Variants in EEF2K observed in about 807,000 individuals in gnomAD.
The protein encoded by EEF2K is alternative protein EEF2K.
A neutral mutation model predicts 93.8 loss-of-function variants in EEF2K; 70 were observed. The observed-to-expected ratio is 0.75, with a 90% confidence interval of 0.62 to 0.91. EEF2K has a LOEUF of 0.91. Ranked by LOEUF, EEF2K falls within the 40% of genes least tolerant of loss-of-function variation. The pLI is 0.00. For synonymous variants in EEF2K, 376 were observed against 380.8 expected, an observed-to-expected ratio of 0.99 and a Z score of 0.15; for missense variants, 935 against 972.9, an observed-to-expected ratio of 0.96 and a Z score of 0.52.
chr16:22,237,886 C>A (rs1003876115), intron 2 of EEF2K, among the ~76,000 whole-genome samples: 2 of 152,092 alleles, frequency 1.3e-5, no homozygotes, highest in Non-Finnish European at 2.9e-5. Flanking sequence ...ACACACACAT[C>A]CTTAGAAAAT....
chr16:22,265,067 G>A, intron 13 of EEF2K, 187 bp downstream of exon 13: 1 of 603,608 alleles, frequency 1.7e-6, no homozygotes, highest in Middle Eastern at 3.1e-4. Flanking sequence ...GATGCTGGGG[G>A]ATTTGTGGGG....
At position 22,263,168 on chromosome 16, in the gene EEF2K, A is replaced by T. The variant is rs936653839; in HGVS notation, c.1358A>T (p.Asp453Val). ...AGTGAGAAGCGGGGTGAGCTGGATG[A>T]CCCTGAGCCCCGAGAACATGTAAGG... ...YPSEKRGELD[D>V]PEPREHGHSY... The change falls in exon 12 of 18, where the codon GAC becomes GTC. Residue 453 changes from aspartate to valine, a missense_variant. By Grantham distance (152) the Asp-to-Val change is radical. Coordinates refer to ENST00000263026, the MANE Select transcript of EEF2K (RefSeq NM_013302.5). The T allele has an allele frequency of 1.2e-6, 2 of 1,612,460 alleles. No individual in the cohort carries two copies. Among genetic ancestry groups the T allele is most frequent in the African/African-American group, 1.3e-5 (1 of 74,970 alleles).
At chr16:22,278,862 A>G (rs1269367067) in intron 16 of EEF2K, among the ~76,000 whole-genome samples, 2 of 152,052 alleles carry the variant, frequency 1.3e-5, no homozygotes, top group Non-Finnish European at 2.9e-5. Context: ...GGAGGAGTTG[A>G]GGGTCGACGG....
At chr16:22,247,080 G>T (rs1473321428) in intron 3 of EEF2K, among the ~76,000 whole-genome samples, 1 of 124,002 alleles carries the variant, frequency 8.1e-6, no homozygotes, top group African/African-American at 3.0e-5. Context: ...AACTAGAATT[G>T]CCCTTGCCCA....
intron 2 of EEF2K, 90 bp downstream of exon 2, chr16:22,226,065 A>G (rs1284022248): frequency 1.9e-6 from 3 of 1,551,350 alleles, no homozygotes; most frequent in Non-Finnish European, 2.6e-6. Flanking sequence ...ACTTCTTCGT[A>G]TTTCCAAACC....
chr16:22,256,853 A>G lies in EEF2K; in HGVS notation c.724A>G (p.Asn242Asp). The G allele has an allele frequency of 1.2e-6, 2 of 1,614,182 alleles. No individual in the cohort carries two copies. Among genetic ancestry groups the G allele is most frequent in the South Asian group, 2.2e-5 (2 of 91,086 alleles). The change falls in exon 7 of 18, where the codon AAC becomes GAC. Residue 242 changes from asparagine to aspartate, a missense_variant. Asn to Asp is a conservative substitution (Grantham distance 23). Coordinates refer to ENST00000263026, the MANE Select transcript of EEF2K (RefSeq NM_013302.5). Reference sequence around the variant, plus strand: ...GGGCAAGTACATCAAGTACAACTCCAACTCTGGCTTTGTCCGCGATGACAA... The same window carrying G: ...GGGCAAGTACATCAAGTACAACTCCGACTCTGGCTTTGTCCGCGATGACAA... The part of the protein sequence containing the change: ...IEGKYIKYNS[N>D]SGFVRDDNIR...
intron 2 of EEF2K, among the ~76,000 whole-genome samples, chr16:22,231,501 C>T (rs940206165): frequency 3.3e-5 from 5 of 152,038 alleles, no homozygotes; most frequent in Non-Finnish European, 7.4e-5. Flanking sequence ...TTGCACCCAG[C>T]AGTTAGTGGC....
At chr16:22,280,172 C>A in intron 16 of EEF2K, 26 bp from the exon 17 acceptor site, 1 of 1,450,540 alleles carries the variant, frequency 6.9e-7, no homozygotes, top group Non-Finnish European at 9.1e-7. Flanking sequence ...GTAACCTCCA[C>A]CTTTCCCTCT....
In EEF2K at chr16:22,225,930, G is replaced by A; in HGVS notation, c.201G>A (p.Glu67=). ...NKYYSNLTKS[E]RYSSSGSPAN... Reference sequence around the variant, plus strand: ...ACTACAGCAACCTAACAAAAAGTGAGCGGTATAGCTCCAGCGGGTCCCCGG... The same window carrying A: ...ACTACAGCAACCTAACAAAAAGTGAACGGTATAGCTCCAGCGGGTCCCCGG... Residue 67 remains glutamate, a synonymous_variant, in exon 2 of 18, where the codon GAG becomes GAA. Coordinates refer to ENST00000263026, the MANE Select transcript of EEF2K (RefSeq NM_013302.5). 6.2e-7 allele frequency: 1 copy of A among 1,614,184 alleles called. No individual in the cohort carries two copies. Among genetic ancestry groups the A allele is most frequent in the South Asian group, 1.1e-5 (1 of 91,086 alleles).
At chr16:22,229,979 G>A (rs1039283054) in intron 2 of EEF2K, among the ~76,000 whole-genome samples, 3 of 152,154 alleles carry the variant, frequency 2.0e-5, no homozygotes, top group African/African-American at 7.2e-5. Flanking sequence ...AGTTCTAGCT[G>A]GAGTTACTCT....
At position 22,250,676 on chromosome 16, in the gene EEF2K, G is replaced by A. The variant is rs1429737799; in HGVS notation, c.431G>A (p.Arg144Lys). The change falls in exon 5 of 18, where the codon AGG (arginine) becomes AAG (lysine). Residue 144 changes from arginine to lysine, a missense_variant. By Grantham distance (26) the Arg-to-Lys change is conservative (BLOSUM62 2). Transcript: ENST00000263026. ...CAGCCCTTCGGCCGAGGAGCAATGA[G>A]GGAGTGCTTCCGGACGTAAGTGACT... The part of the protein sequence containing the change: ...ASQPFGRGAM[R>K]ECFRTKKLSN... 5.0e-6 allele frequency: 8 copies of A among 1,614,210 alleles called. No individual in the cohort carries two copies. The highest frequency in any genetic ancestry group is 5.9e-6 in the Non-Finnish European group (7 of 1,180,038).
intron 16 of EEF2K, among the ~76,000 whole-genome samples, chr16:22,278,875 A>G (rs2047666084): frequency 6.6e-6 from 1 of 152,136 alleles, no homozygotes; most frequent in Admixed American, 6.6e-5. Flanking sequence ...GTCGACGGGC[A>G]GAGCTGGAAG....
intron 16 of EEF2K, among the ~76,000 whole-genome samples, chr16:22,276,759 T>C (rs1444554307): frequency 1.3e-5 from 2 of 152,168 alleles, no homozygotes; most frequent in Non-Finnish European, 1.5e-5. Flanking sequence ...TAGTGTCTCC[T>C]AGTCAGTGTT....
intron 1 of EEF2K, among the ~76,000 whole-genome samples, chr16:22,218,892 G>A (rs560046944): frequency 4.8e-5 from 7 of 146,672 alleles, no homozygotes; most frequent in South Asian, 2.1e-4. Context: ...TTGGAAGGCC[G>A]AAGAGGGTGG....
chr16:22,277,607 G>T (rs573346418), intron 16 of EEF2K, among the ~76,000 whole-genome samples: 1 of 152,292 alleles, frequency 6.6e-6, no homozygotes, highest in Admixed American at 6.5e-5. Flanking sequence ...CCTTCATGGG[G>T]CTTACCTTCT....
chr16:22,245,584 A>G (rs1028033799), intron 3 of EEF2K, among the ~76,000 whole-genome samples: 2 of 152,018 alleles, frequency 1.3e-5, no homozygotes, highest in African/African-American at 4.8e-5. Flanking sequence ...GAAACCTCCA[A>G]CTAGAGTTAA....
At chr16:22,212,149 C>G (rs760234879) in intron 1 of EEF2K, among the ~76,000 whole-genome samples, 11 of 152,190 alleles carry the variant, frequency 7.2e-5, no homozygotes, top group Non-Finnish European at 1.2e-4. Flanking sequence ...TTCCAAAATG[C>G]ATTTTTCAGA....
chr16:22,226,692 T>G (rs1012858396), intron 2 of EEF2K, among the ~76,000 whole-genome samples: 1 of 151,762 alleles, frequency 6.6e-6, no homozygotes, highest in South Asian at 2.1e-4. Context: ...ATTAAAAAAA[T>G]TTTTTTTGTA....
Position 22,225,781 on chromosome 16 carries a change from T to C in EEF2K, c.52T>C (p.Ser18Pro). ...FRLEGVDGGQ[S>P]PRAGHDGDSD... ...CCTGGAAGGCGTTGATGGCGGCCAG[T>C]CCCCCCGAGCTGGCCATGATGGTGA... Residue 18 changes from serine (S) to proline (P), a missense_variant, in exon 2 of 18, where the codon TCC becomes CCC. Transcript: ENST00000263026. 1 of 1,614,042 alleles carries C rather than the reference T, an allele frequency of 6.2e-7. No individual in the cohort carries two copies.
Sources: gnomAD v4.1 joint callset for allele counts (sites outside exome capture counted in the v4.1 genomes callset) on GRCh38, gnomAD v4.1.1 for gene constraint, MANE v1.5 for transcripts, NCBI Gene and HGNC (gene_info 2026-07-23, HGNC 2026-07-21) for gene names.